Variants in ZNF518A observed in about 807,000 individuals in gnomAD.
ZNF518A encodes the protein zinc finger protein 518A.
Under a neutral mutation model 102.7 loss-of-function variants are expected in ZNF518A, and 47 were observed. That is an observed-to-expected ratio of 0.46 (90% CI 0.36 to 0.58). The LOEUF is 0.58. Among genes scored for constraint, ZNF518A ranks in the 20% least tolerant of loss-of-function variants. The probability of loss-of-function intolerance (pLI) is 0.00; values close to 1 mark genes in which losing one functional copy is unlikely to be tolerated. For synonymous variants in ZNF518A, 652 were observed against 594.6 expected (o/e 1.10, Z -1.40); for missense variants, 1,793 against 1,699.8 (o/e 1.05, Z -0.96).
chr10:96,153,079 T>G (rs587743720), intron 3 of ZNF518A, among the ~76,000 whole-genome samples: 15 of 152,296 alleles, frequency 9.8e-5, no homozygotes, highest in African/African-American at 3.4e-4. Flanking sequence ...GGTCCAATTC[T>G]CAGTCTGAGG....
At chr10:96,133,214 A>G (rs143109972) in intron 2 of ZNF518A, among the ~76,000 whole-genome samples, 301 of 152,268 alleles carry the variant, frequency 2.0e-3, no homozygotes, top group African/African-American at 6.9e-3. Context: ...TGAACAGTGG[A>G]GATAAAGGTG....
chr10:96,166,962 T>G (rs1362028579), downstream of ZNF518A, among the ~76,000 whole-genome samples: 1 of 152,206 alleles, frequency 6.6e-6, no homozygotes, highest in Non-Finnish European at 1.5e-5. Flanking sequence ...CTTCAAGCCA[T>G]ACATTAATTA....
intron 1 of ZNF518A, among the ~76,000 whole-genome samples, chr10:96,182,077 G>A (rs587737323): frequency 5.9e-5 from 9 of 152,220 alleles, no homozygotes; most frequent in Non-Finnish European, 1.3e-4. Flanking sequence ...GGATTCCTAG[G>A]TATTTTCTTC....
At chr10:96,155,521 A>G (rs2082656412) in intron 4 of ZNF518A, 145 bp downstream of exon 4, 1 of 152,204 alleles carries the variant, frequency 6.6e-6, no homozygotes, top group Non-Finnish European at 1.5e-5. Context: ...TAATGAGTAG[A>G]TGGACTTTAG....
chr10:96,196,418 AT>A (rs201144805), intron 1 of ZNF518A, among the ~76,000 whole-genome samples: 55 of 151,754 alleles, frequency 3.6e-4, no homozygotes, highest in African/African-American at 1.3e-3. Context: ...GACCCATGTG[AT>A]TTTTTTTTCT....
chr10:96,201,158 T>A, intron 1 of ZNF518A: 20 of 1,075,126 alleles, frequency 1.9e-5, no homozygotes, highest in Middle Eastern at 2.1e-4. Flanking sequence ...CAGGGACACA[T>A]CCACCAAAAA....
chr10:96,156,877 G>C lies in ZNF518A; in HGVS notation c.555G>C (p.Glu185Asp), dbSNP rs1554882825. 1 of 1,613,840 alleles carries C rather than the reference G, an allele frequency of 6.2e-7. No homozygotes were observed. Among genetic ancestry groups the C allele is most frequent in the East Asian group, 2.2e-5 (1 of 44,876 alleles). ...TLVKCDICNN[E>D]SVYTLLNLTK... The stretch of plus-strand genomic sequence containing the variant: ...TAAAATGTGACATTTGTAACAATGA[G>C]AGTGTATATACTTTACTGAACTTGA... The change falls in exon 6 of 6, where the codon GAG (glutamate) becomes GAC (aspartate). Residue 185 changes from glutamate to aspartate, a missense_variant. Physicochemically the swap from Glu to Asp is conservative, Grantham distance 45. Around this residue, in one of 3 missense-constraint regions of ZNF518A, gnomAD observed 1,741 missense variants for 1,622.6 expected, o/e 1.07. Transcript: ENST00000316045.
intron 3 of ZNF518A, among the ~76,000 whole-genome samples, chr10:96,150,168 C>CA (rs60041911): frequency 0.25 from 32,742 of 132,490 alleles, 4,680 homozygotes; most frequent in Non-Finnish European, 0.35. Flanking sequence ...ACTAAAAATA[C>CA]AAAAAAAAAA....
chr10:96,146,711 C>G (rs868980988), intron 3 of ZNF518A, among the ~76,000 whole-genome samples: 3 of 152,262 alleles, frequency 2.0e-5, no homozygotes, highest in Middle Eastern at 6.8e-3. Flanking sequence ...AGCTCCTTTC[C>G]TCTACCCTCA....
chr10:96,145,176 T>A (rs185197716), intron 3 of ZNF518A, among the ~76,000 whole-genome samples: 1 of 152,168 alleles, frequency 6.6e-6, no homozygotes, highest in Non-Finnish European at 1.5e-5. Flanking sequence ...TTCAAGCGAT[T>A]TTCCTGCCTC....
chr10:96,156,859 T>C lies in ZNF518A; in HGVS notation c.537T>C (p.Cys179=). 2 of 1,613,872 alleles carry C rather than the reference T, an allele frequency of 1.2e-6. No homozygotes were observed. Among genetic ancestry groups the C allele is most frequent in the Non-Finnish European group, 1.7e-6 (2 of 1,179,800 alleles). ...CCCATAGAAGCACTTTAGTAAAATG[T>C]GACATTTGTAACAATGAGAGTGTAT... is the stretch of plus-strand genomic sequence containing the variant. ...RRTHRSTLVK[C]DICNNESVYT... Residue 179 remains cysteine, a synonymous_variant, in exon 6 of 6, where the codon TGT becomes TGC. Transcript: ENST00000316045.
intron 1 of ZNF518A, among the ~76,000 whole-genome samples, chr10:96,180,135 C>T (rs2083230766): frequency 6.7e-6 from 1 of 150,086 alleles, no homozygotes; most frequent in Middle Eastern, 3.2e-3. Flanking sequence ...CTGTCTTGGC[C>T]TCCCAAAATG....
downstream of ZNF518A, chr10:96,204,215 T>A: frequency 9.4e-7 from 1 of 1,061,662 alleles, no homozygotes; most frequent in Non-Finnish European, 1.4e-6. Flanking sequence ...GCCAATAAAA[T>A]GTATCTAAAG....
chr10:96,151,687 A>G (rs1460128467), intron 3 of ZNF518A: 1 of 152,180 alleles, frequency 6.6e-6, no homozygotes, highest in Admixed American at 6.5e-5. Flanking sequence ...CTTTTTAAAA[A>G]TGGTGTTTGG....
chr10:96,178,793 C>G (rs2083221072), intron 1 of ZNF518A, among the ~76,000 whole-genome samples: 1 of 151,892 alleles, frequency 6.6e-6, no homozygotes, highest in African/African-American at 2.4e-5. Context: ...ATATATTAGA[C>G]TATGTTATAC....
intron 1 of ZNF518A, among the ~76,000 whole-genome samples, chr10:96,170,750 T>G (rs782185140): frequency 3.9e-5 from 6 of 152,172 alleles, no homozygotes; most frequent in Non-Finnish European, 8.8e-5. Flanking sequence ...CATCGAAATT[T>G]GAAAAATATT....
At chr10:96,186,898 A>ATGTC (rs781889143) in intron 1 of ZNF518A, among the ~76,000 whole-genome samples, 1 of 152,204 alleles carries the variant, frequency 6.6e-6, no homozygotes, top group Non-Finnish European at 1.5e-5. Context: ...GTAGAATAAT[A>ATGTC]TGTCCATCTT....
chr10:96,179,843 CTTCTTCTT>C (rs1404989045), intron 1 of ZNF518A, among the ~76,000 whole-genome samples: 2 of 74,618 alleles, frequency 2.7e-5, no homozygotes, highest in Non-Finnish European at 7.0e-5. Context: ...CCTCCTCATC[CTTCTTCTT>C]TTCTTCTTTT....
At chr10:96,151,808 T>G (rs181614733) in intron 3 of ZNF518A, among the ~76,000 whole-genome samples, 13 of 152,328 alleles carry the variant, frequency 8.5e-5, no homozygotes, top group African/African-American at 3.1e-4. Flanking sequence ...TTGTAGGAGT[T>G]TTTAAATTAT....
Sources: allele counts gnomAD v4.1 joint callset (sites outside exome capture counted in the v4.1 genomes callset), GRCh38; gene constraint gnomAD v4.1.1; regional missense constraint gnomAD v4.1.1; transcripts MANE v1.5; gene names NCBI Gene and HGNC (gene_info 2026-07-23, HGNC 2026-07-21).